The following PPP3CA variants were observed in gnomAD, a reference collection of about 807,000 sequenced individuals.
PPP3CA encodes the protein CAM-PRP catalytic subunit.
In PPP3CA, 14 loss-of-function variants were observed where a neutral mutation model predicts 66.5. The ratio of observed to expected loss-of-function variants is 0.21; its 90% CI spans 0.14 to 0.33. PPP3CA has a LOEUF of 0.33. PPP3CA is among the 10% of genes least tolerant of loss of function. PPP3CA has a pLI of 1.00. For synonymous variants in PPP3CA, 232 were observed against 226.2 expected (o/e 1.03, Z -0.23); for missense variants, 317 against 639.5 (o/e 0.50, Z 5.44).
At chr4:101,164,732 AG>A (rs1723635937) in intron 2 of PPP3CA, among the ~76,000 whole-genome samples, 2 of 152,100 alleles carry the variant, frequency 1.3e-5, no homozygotes, top group African/African-American at 4.8e-5. Flanking sequence ...CACAGCAGAG[AG>A]AGGGCAGTGA....
chr4:101,251,107 T>C (rs1392071086), intron 1 of PPP3CA, among the ~76,000 whole-genome samples: 1 of 152,036 alleles, frequency 6.6e-6, no homozygotes, highest in Non-Finnish European at 1.5e-5. Flanking sequence ...TATTTATTAA[T>C]ATTAACATTA....
chr4:101,126,529 A>G (rs990789580), intron 2 of PPP3CA, among the ~76,000 whole-genome samples: 2 of 152,236 alleles, frequency 1.3e-5, no homozygotes, highest in African/African-American at 4.8e-5. Context: ...ACTTACAGTC[A>G]TAATCCTGTA....
At chr4:101,331,397 A>G (rs1352205010) in intron 1 of PPP3CA, among the ~76,000 whole-genome samples, 4 of 152,198 alleles carry the variant, frequency 2.6e-5, no homozygotes, top group Non-Finnish European at 5.9e-5. Flanking sequence ...TCCCCAGTCA[A>G]TTTTTTTGTT....
At chr4:101,132,150 G>A (rs953963397) in intron 2 of PPP3CA, among the ~76,000 whole-genome samples, 21 of 151,824 alleles carry the variant, frequency 1.4e-4, no homozygotes, top group African/African-American at 5.1e-4. Context: ...AGGAGAAAGT[G>A]GGAAAGATCT....
At chr4:101,305,573 G>A (rs1053443443) in intron 1 of PPP3CA, among the ~76,000 whole-genome samples, 4 of 152,150 alleles carry the variant, frequency 2.6e-5, no homozygotes, top group African/African-American at 9.7e-5. Flanking sequence ...TGATGAGAAA[G>A]CCTAGAATAT....
intron 1 of PPP3CA, among the ~76,000 whole-genome samples, chr4:101,270,425 T>G (rs568098219): frequency 2.2e-4 from 33 of 152,262 alleles, no homozygotes; most frequent in African/African-American, 7.7e-4. Flanking sequence ...AAAGGACATA[T>G]GCATGATGCC....
chr4:101,046,050 C>T (rs1727750276), intron 10 of PPP3CA, among the ~76,000 whole-genome samples: 2 of 152,160 alleles, frequency 1.3e-5, no homozygotes, highest in African/African-American at 4.8e-5. Context: ...TATGTCCTGC[C>T]CTGCCCTTCC....
At chr4:101,140,194 T>C (rs1722759771) in intron 2 of PPP3CA, among the ~76,000 whole-genome samples, 1 of 152,234 alleles carries the variant, frequency 6.6e-6, no homozygotes. Flanking sequence ...AGGAGATTAC[T>C]TGTGAAAACA....
intron 10 of PPP3CA, among the ~76,000 whole-genome samples, chr4:101,059,676 T>C (rs570124147): frequency 1.3e-5 from 2 of 152,284 alleles, no homozygotes; most frequent in Non-Finnish European, 2.9e-5. Context: ...TGAACTGCAG[T>C]TTTTAAAGGT....
At position 101,057,402 on chromosome 4, in the gene PPP3CA, T is replaced by C. The variant is rs116694300; in HGVS notation, c.1156+3685A>G. ...CTTAAAACTTTCATTTCTGTATTTCTTCTTAAATGGCAAATTTATGAGATA... is the reference window on the plus strand; with the variant it reads ...CTTAAAACTTTCATTTCTGTATTTCCTCTTAAATGGCAAATTTATGAGATA... On this transcript the variant is annotated intron_variant, in intron 10 of 13. Transcript: ENST00000394854. Among the ~76,000 whole-genome samples the C allele has an allele frequency of 7.2e-3, 1,102 of 152,320 alleles. 14 individuals are homozygous for C. Among genetic ancestry groups the C allele is most frequent in the African/African-American group, 0.025 (1,053 of 41,578 alleles).
intron 1 of PPP3CA, among the ~76,000 whole-genome samples, chr4:101,205,370 A>G (rs1391143399): frequency 6.6e-6 from 1 of 152,178 alleles, no homozygotes; most frequent in African/African-American, 2.4e-5. Context: ...GAATCCAGGT[A>G]CATTTTACCA....
chr4:101,248,059 A>G (rs1726547021), intron 1 of PPP3CA, among the ~76,000 whole-genome samples: 1 of 152,218 alleles, frequency 6.6e-6, no homozygotes, highest in Non-Finnish European at 1.5e-5. Context: ...GAAACAGCAA[A>G]TATCAGTAAT....
At chr4:101,174,700 T>C (rs192239046) in intron 2 of PPP3CA, among the ~76,000 whole-genome samples, 2 of 152,250 alleles carry the variant, frequency 1.3e-5, no homozygotes, top group Non-Finnish European at 2.9e-5. Flanking sequence ...ACATGAAGTG[T>C]AAGTCTGGGG....
At chr4:101,112,584 C>G (rs1056191691) in intron 2 of PPP3CA, among the ~76,000 whole-genome samples, 1 of 152,026 alleles carries the variant, frequency 6.6e-6, no homozygotes, top group African/African-American at 2.4e-5. Flanking sequence ...CAAAGCCCAA[C>G]AAAACAGTAA....
At chr4:101,324,139 G>GGGAAGGAAGGGAGGGA (rs1359327387) in intron 1 of PPP3CA, among the ~76,000 whole-genome samples, 1 of 122,728 alleles carries the variant, frequency 8.1e-6, no homozygotes, top group South Asian at 2.6e-4. Context: ...AGGGAAGGAA[G>GGGAAGGAAGGGAGGGA]GGAAGGAAGG....
intron 2 of PPP3CA, among the ~76,000 whole-genome samples, chr4:101,160,701 T>G (rs1453258338): frequency 1.3e-5 from 2 of 152,136 alleles, no homozygotes; most frequent in African/African-American, 4.8e-5. Flanking sequence ...AATCAATAGC[T>G]ATTTCTTCTT....
intron 2 of PPP3CA, among the ~76,000 whole-genome samples, chr4:101,128,201 T>C (rs934740643): frequency 1.3e-5 from 2 of 152,196 alleles, no homozygotes; most frequent in Non-Finnish European, 2.9e-5. Context: ...GAATGAGTTA[T>C]AGTGTTCTAT....
rs534298997 is a variant in PPP3CA, at chr4:101,079,930, C to T, written c.955+602G>A. On this transcript the variant is annotated intron_variant, in intron 8 of 13. Coordinates refer to ENST00000394854, the MANE Select transcript of PPP3CA (RefSeq NM_000944.5). ...GTATGGATTTGAACCTAGTTCATTA[C>T]TTCCTAATTAAGTGACCTTGGACAA... 2.0e-5 allele frequency among the ~76,000 whole-genome samples: 3 copies of T among 152,296 alleles called. No individual in the cohort carries two copies. The South Asian group carries it at 6.2e-4, about 32-fold the overall frequency.
intron 1 of PPP3CA, among the ~76,000 whole-genome samples, chr4:101,338,803 T>C (rs1729717981): frequency 6.6e-6 from 1 of 152,244 alleles, no homozygotes; most frequent in South Asian, 2.1e-4. Context: ...GTAACTTTAA[T>C]AGCATTAAAT....
Sources: allele counts gnomAD v4.1 joint callset (sites outside exome capture counted in the v4.1 genomes callset), GRCh38; gene constraint gnomAD v4.1.1; transcripts MANE v1.5; gene names NCBI Gene and HGNC (gene_info 2026-07-23, HGNC 2026-07-21).